MAN1C1: variants seen among roughly 807,000 people sequenced by gnomAD.
MAN1C1 encodes mannosidase alpha class 1C member 1.
MAN1C1 carries 49 observed loss-of-function variants against 71.5 expected under a neutral mutation model. That is an observed-to-expected ratio of 0.69 (90% CI 0.54 to 0.87). MAN1C1 has a LOEUF of 0.87. Ranked by LOEUF, MAN1C1 falls within the 40% of genes least tolerant of loss-of-function variation. MAN1C1 has a pLI of 0.00. For synonymous variants in MAN1C1, 352 were observed against 343.7 expected, an observed-to-expected ratio of 1.02 and a Z score of -0.27; for missense variants, 743 against 835.0, an observed-to-expected ratio of 0.89 and a Z score of 1.36.
chr1:25,671,537 G>A (rs1447067572), intron 1 of MAN1C1, among the ~76,000 whole-genome samples: 1 of 152,186 alleles, frequency 6.6e-6, no homozygotes, highest in African/African-American at 2.4e-5. Context: ...GGACAATAGG[G>A]GGCCGTAGGA....
chr1:25,619,060 G>A (rs778856015), intron 1 of MAN1C1, among the ~76,000 whole-genome samples: 5 of 152,186 alleles, frequency 3.3e-5, no homozygotes, highest in Non-Finnish European at 7.4e-5. Context: ...TACCAGGAGG[G>A]ATTTAGAAGG....
At chr1:25,674,802 A>G (rs2046041782) in intron 1 of MAN1C1, among the ~76,000 whole-genome samples, 1 of 152,100 alleles carries the variant, frequency 6.6e-6, no homozygotes, top group African/African-American at 2.4e-5. Context: ...GAAGGAGTTT[A>G]TTTAAGTGTG....
At chr1:25,763,421 A>G (rs2047385999) in intron 6 of MAN1C1, among the ~76,000 whole-genome samples, 1 of 140,938 alleles carries the variant, frequency 7.1e-6, no homozygotes, top group African/African-American at 2.6e-5. Context: ...CCTGGGAGGC[A>G]GAGGTTGCAG....
chr1:25,781,241 G>C lies in MAN1C1; in HGVS notation c.1650+129G>C. ...CACGTTGACCTCTGACCACAGTTCA[G>C]AGTGCAAAGGGTCAAGGTGGTGGTT... On this transcript the variant is annotated intron_variant, in intron 10 of 11. Coordinates refer to ENST00000374332, the MANE Select transcript of MAN1C1 (RefSeq NM_020379.4). The C allele has an allele frequency of 3.1e-6, 3 of 974,302 alleles. No individual in the cohort carries two copies. The South Asian group carries it at 4.8e-5, about 16-fold the overall frequency. The allele number at this position is 974,302 out of a possible 1,614,324, so 60.4% of individuals were successfully genotyped here.
At chr1:25,676,457 A>G (rs1051282710) in intron 1 of MAN1C1, among the ~76,000 whole-genome samples, 11 of 152,294 alleles carry the variant, frequency 7.2e-5, no homozygotes, top group South Asian at 2.1e-4. Flanking sequence ...TGTTGCCCCA[A>G]TAAATGGAAC....
At chr1:25,745,050 T>C (rs1174329717) in intron 2 of MAN1C1, among the ~76,000 whole-genome samples, 1 of 152,236 alleles carries the variant, frequency 6.6e-6, no homozygotes, top group African/African-American at 2.4e-5. Context: ...TTTCAGATAG[T>C]AGCAGGCATG....
intron 7 of MAN1C1, among the ~76,000 whole-genome samples, 157 bp from the exon 8 acceptor site, chr1:25,771,500 C>T (rs897814340): frequency 1.3e-5 from 2 of 152,232 alleles, no homozygotes; most frequent in Non-Finnish European, 2.9e-5. Context: ...GTGTCTGCCT[C>T]GCAGTACCCA....
rs2045427168 is a variant in MAN1C1 at position 25,634,399 on chromosome 1, T to A, written c.540+16062T>A. ...CCTTTTATCAAGTTGAAGTTCACTT[T>A]TATTCCTAGTTTGCTGAGGTTTTTA... is the stretch of plus-strand genomic sequence containing the variant. On this transcript the variant is annotated intron_variant, in intron 1 of 11. Transcript: ENST00000374332. The surrounding 1 kb of genome is among the most constrained non-coding windows in gnomAD (Gnocchi z 4.6). 6.6e-6 allele frequency among the ~76,000 whole-genome samples: 1 copy of A among 152,252 alleles called. No individual in the cohort carries two copies. Among genetic ancestry groups the A allele is most frequent in the Admixed American group, 6.5e-5 (1 of 15,286 alleles).
intron 6 of MAN1C1, 121 bp downstream of exon 6, chr1:25,758,830 G>A (rs1029942919): frequency 3.0e-5 from 26 of 868,320 alleles, no homozygotes; most frequent in African/African-American, 6.6e-5. Context: ...TGGGGAGCCC[G>A]GGAGCCCAAG....
intron 2 of MAN1C1, among the ~76,000 whole-genome samples, chr1:25,738,816 T>A (rs2124318905): frequency 6.6e-6 from 1 of 152,248 alleles, no homozygotes; most frequent in East Asian, 1.9e-4. Flanking sequence ...GGTTCCAAGA[T>A]CCAACATTCT....
intron 6 of MAN1C1, among the ~76,000 whole-genome samples, chr1:25,761,884 A>T (rs564920208): frequency 5.4e-4 from 82 of 151,890 alleles, no homozygotes; most frequent in Middle Eastern, 6.8e-3. Context: ...CGGCCTCCCA[A>T]AGTGCTGGGA....
intron 2 of MAN1C1, among the ~76,000 whole-genome samples, chr1:25,688,844 A>G (rs568378447): frequency 1.3e-5 from 2 of 152,336 alleles, no homozygotes; most frequent in South Asian, 4.1e-4. Context: ...TTCTGTTGTA[A>G]TAAATGAGGT....
intron 5 of MAN1C1, among the ~76,000 whole-genome samples, chr1:25,757,456 C>A (rs538220234): frequency 3.9e-5 from 6 of 152,042 alleles, no homozygotes; most frequent in African/African-American, 1.4e-4. Flanking sequence ...TCCTAAATAT[C>A]CCACAGGAAA....
chr1:25,692,175 C>T (rs565467503), intron 2 of MAN1C1, among the ~76,000 whole-genome samples: 11 of 152,246 alleles, frequency 7.2e-5, no homozygotes, highest in Admixed American at 2.6e-4. Context: ...CTCTTTGCGC[C>T]GCACACTCTG....
rs1251910104 is a variant in MAN1C1 at position 25,777,264 on chromosome 1, A to G, written c.1258-841A>G. Among the ~76,000 whole-genome samples the G allele has an allele frequency of 2.0e-5, 3 of 152,168 alleles. No individual in the cohort carries two copies. The East Asian group carries it at 5.8e-4, about 29-fold the overall frequency. On this transcript the variant is annotated intron_variant, in intron 8 of 11. Transcript: ENST00000374332. ...GGAAGGGCCCCAGAGGACCCCAGCCATGGGCCAGGCCCCACCAGCCCATGG... is the reference window on the plus strand; with the variant it reads ...GGAAGGGCCCCAGAGGACCCCAGCCGTGGGCCAGGCCCCACCAGCCCATGG...
chr1:25,771,563 C>G, intron 7 of MAN1C1, 94 bp from the exon 8 acceptor site: 1 of 898,822 alleles, frequency 1.1e-6, no homozygotes, highest in Non-Finnish European at 1.8e-6. Flanking sequence ...CGTACAGGCA[C>G]CGGGCCCCTG....
chr1:25,715,975 C>T (rs558728907), intron 2 of MAN1C1, among the ~76,000 whole-genome samples: 1 of 152,206 alleles, frequency 6.6e-6, no homozygotes, highest in Non-Finnish European at 1.5e-5. Context: ...CTGGCTTCCA[C>T]CTTACGGTCC....
At chr1:25,663,151 CA>C (rs1332673951) in intron 1 of MAN1C1, among the ~76,000 whole-genome samples, 2 of 147,234 alleles carry the variant, frequency 1.4e-5, no homozygotes, top group Non-Finnish European at 3.0e-5. Context: ...ATTTTAAATA[CA>C]TGTATATATA....
intron 1 of MAN1C1, among the ~76,000 whole-genome samples, chr1:25,660,396 C>CTTTTTTTTTTT (rs1178878513): frequency 1.0e-5 from 1 of 97,602 alleles, no homozygotes; most frequent in Non-Finnish European, 1.9e-5. Flanking sequence ...AGTGAAATTC[C>CTTTTTTTTTTT]TTTTTTTTTT....
Sources: allele counts gnomAD v4.1 joint callset (sites outside exome capture counted in the v4.1 genomes callset), GRCh38; gene constraint gnomAD v4.1.1; non-coding constraint Gnocchi (gnomAD v3.1); transcripts MANE v1.5; gene names NCBI Gene and HGNC (gene_info 2026-07-23, HGNC 2026-07-21).